The following IVD variants were observed in gnomAD, a reference collection of about 807,000 sequenced individuals.
IVD encodes isovaleryl-CoA dehydrogenase, also known as isovaleryl-CoA dehydrogenase, mitochondrial.
In IVD, 31 loss-of-function variants were observed where a neutral mutation model predicts 51.3. The observed-to-expected ratio is 0.60, with a 90% CI of 0.45 to 0.81. IVD has a LOEUF of 0.81. Ranked by LOEUF, IVD falls within the 40% of genes least tolerant of loss-of-function variation. The pLI, the probability that IVD is intolerant of heterozygous loss-of-function variation, is 0.00. For missense variants in IVD, 475 were observed against 552.0 expected, an observed-to-expected ratio of 0.86 and a Z score of 1.40; for synonymous variants, 205 against 219.4, an observed-to-expected ratio of 0.93 and a Z score of 0.58.
intron 3 of IVD, among the ~76,000 whole-genome samples, chr15:40,409,835 C>CTTTT (rs11365500): frequency 1.1e-4 from 15 of 131,718 alleles, no homozygotes; most frequent in African/African-American, 1.9e-4. Flanking sequence ...CTGCTTCTTT[C>CTTTT]TTTTTTTTTT....
intron 7 of IVD, among the ~76,000 whole-genome samples, chr15:40,430,748 T>C (rs895370443): frequency 3.9e-5 from 6 of 152,146 alleles, no homozygotes; most frequent in Non-Finnish European, 5.9e-5. Context: ...AGTGGAAACA[T>C]TGGGAGAACA....
In IVD at chr15:40,415,360, G is replaced by A. The variant is rs377570597; in HGVS notation, c.879-41G>A. On this transcript the variant is annotated intron_variant, in intron 8 of 11. Transcript: ENST00000487418. The stretch of plus-strand genomic sequence containing the variant: ...CATTTTGCCACCACACCCGGTGGTG[G>A]GATGAGGAGGTGCCCACGGGGCCTT... 6.3e-5 allele frequency: 98 copies of A among 1,547,558 alleles called. No homozygotes were observed. In the African/African-American group the frequency reaches 1.2e-3, roughly 18 times the overall value.
intron 11 of IVD, 101 bp from the exon 12 acceptor site, chr15:40,418,029 C>G: frequency 9.3e-3 from 11,235 of 1,203,360 alleles, no homozygotes; most frequent in Non-Finnish European, 0.012. Context: ...TCTTTAATCA[C>G]CCTCTCCTCC....
downstream of IVD, among the ~76,000 whole-genome samples, chr15:40,425,260 G>C (rs140526128): frequency 3.4e-3 from 521 of 152,172 alleles, no homozygotes; most frequent in Non-Finnish European, 6.1e-3. Context: ...GCAGGTCAAT[G>C]AAGACAGTAT....
intron 6 of IVD, among the ~76,000 whole-genome samples, chr15:40,411,950 AAGG>A (rs1211028965): frequency 6.6e-5 from 10 of 152,316 alleles, no homozygotes; most frequent in African/African-American, 2.4e-4. Flanking sequence ...GGAGGACTAA[AAGG>A]AGGTCAGGAC....
At chr15:40,427,214 C>T (rs1305990193), downstream of IVD, among the ~76,000 whole-genome samples, 8 of 152,326 alleles carry the variant, frequency 5.3e-5, no homozygotes, top group African/African-American at 1.7e-4. Context: ...ACTAGGGCTA[C>T]GCTCGCACTG....
At chr15:40,406,165 A>T (rs1890386754) in intron 1 of IVD, 194 bp downstream of exon 1, 9 of 1,537,952 alleles carry the variant, frequency 5.9e-6, no homozygotes, top group Non-Finnish European at 7.9e-6. Flanking sequence ...CCTCGGCCTC[A>T]CGTCTGTGGA....
At chr15:40,428,026 A>C (rs539579420), downstream of IVD, among the ~76,000 whole-genome samples, 55 of 152,230 alleles carry the variant, frequency 3.6e-4, 1 homozygote, top group African/African-American at 1.2e-3. Flanking sequence ...TACTAAAAAT[A>C]AAAAAATTGG....
downstream of IVD, chr15:40,424,120 C>T: frequency 7.8e-7 from 1 of 1,276,494 alleles, no homozygotes; most frequent in African/African-American, 1.5e-5. Flanking sequence ...TGCCAACTTG[C>T]CTTCCTTCTT....
chr15:40,418,711 CT>C lies in IVD; in HGVS notation c.*449del. On this transcript the variant is annotated 3_prime_UTR_variant, in exon 12 of 12. Coordinates refer to ENST00000487418, the MANE Select transcript of IVD (RefSeq NM_002225.5). ...CTCAAGCACAGCAGAATCATGGCCC[CT>C]CTCCATGAATTGGAACTTGGTACAG... The C allele has an allele frequency of 2.7e-6, 3 of 1,108,234 alleles. No homozygotes were observed. The highest frequency in any genetic ancestry group is 3.3e-6 in the Non-Finnish European group (3 of 903,042). The allele number at this position is 1,108,234 out of a possible 1,614,324, so 68.7% of individuals were successfully genotyped here.
intron 3 of IVD, among the ~76,000 whole-genome samples, chr15:40,408,895 A>T (rs1172847305): frequency 6.6e-6 from 1 of 152,018 alleles, no homozygotes; most frequent in African/African-American, 2.4e-5. Context: ...GGTTGCAGTG[A>T]GCTGAGATTG....
chr15:40,422,996 C>A (rs1892448816), downstream of IVD, among the ~76,000 whole-genome samples: 1 of 152,036 alleles, frequency 6.6e-6, no homozygotes, highest in African/African-American at 2.4e-5. Flanking sequence ...CTTACTGCAG[C>A]CTCGACCTCC....
intron 7 of IVD, among the ~76,000 whole-genome samples, chr15:40,432,921 A>G (rs1893061339): frequency 6.6e-6 from 1 of 152,256 alleles, no homozygotes; most frequent in Non-Finnish European, 1.5e-5. Context: ...CAGAGGTGGA[A>G]GACTGATTCC....
At chr15:40,413,261 G>GTTTTTTAAT in intron 7 of IVD, 174 bp downstream of exon 7, 3 of 668,042 alleles carry the variant, frequency 4.5e-6, no homozygotes, top group Admixed American at 2.1e-5. Flanking sequence ...TCCTGGCCAG[G>GTTTTTTAAT]GCCCTGCAGC....
At chr15:40,432,067 G>A (rs1203451082) in intron 7 of IVD, among the ~76,000 whole-genome samples, 8 of 150,886 alleles carry the variant, frequency 5.3e-5, no homozygotes, top group African/African-American at 9.7e-5. Context: ...AGGTTCAAGC[G>A]ATTCTTATGC....
chr15:40,408,225 G>C lies in IVD; in HGVS notation c.286+235G>C, dbSNP rs1434790768. Among the ~76,000 whole-genome samples, 3 of 152,188 alleles carry C rather than the reference G, an allele frequency of 2.0e-5. No individual in the cohort carries two copies. The South Asian group carries it at 6.2e-4, about 32-fold the overall frequency. On this transcript the variant is annotated intron_variant, in intron 3 of 11. Transcript: ENST00000487418. The stretch of plus-strand genomic sequence containing the variant: ...TTAATTAGGTCATTGTGGCTCACTT[G>C]GATCAGGATCAGTCCAACTCTTGAA...
chr15:40,410,819 A>G (rs1890993258), intron 4 of IVD, 22 bp downstream of exon 4: 1 of 1,613,326 alleles, frequency 6.2e-7, no homozygotes, highest in Non-Finnish European at 8.5e-7. Context: ...GAAATGTAAT[A>G]CACGCTAATC....
intron 11 of IVD, among the ~76,000 whole-genome samples, chr15:40,417,729 G>A (rs1019553587): frequency 6.6e-6 from 1 of 152,156 alleles, no homozygotes; most frequent in Non-Finnish European, 1.5e-5. Flanking sequence ...CTGTGTTCAA[G>A]TAACTCTTAT....
chr15:40,406,775 G>T (rs73383129), intron 1 of IVD, among the ~76,000 whole-genome samples: 2,345 of 152,228 alleles, frequency 0.015, 59 homozygotes, highest in African/African-American at 0.054. Flanking sequence ...GCCAGCGAGC[G>T]CTCAGAGCTT....
Sources: gnomAD v4.1 joint callset for allele counts (sites outside exome capture counted in the v4.1 genomes callset) on GRCh38, gnomAD v4.1.1 for gene constraint, MANE v1.5 for transcripts, NCBI Gene and HGNC (gene_info 2026-07-23, HGNC 2026-07-21) for gene names.